TULP4: variants seen among roughly 807,000 people sequenced by gnomAD.
The protein encoded by TULP4 is tubby-related protein 4.
In TULP4, 16 loss-of-function variants were observed where a neutral mutation model predicts 129.0. That is an observed-to-expected ratio of 0.12 (90% CI 0.08 to 0.19). TULP4 has a LOEUF of 0.19. Ranked by LOEUF, TULP4 falls within the 10% of genes least tolerant of loss-of-function variation. The probability of loss-of-function intolerance (pLI) is 1.00; values close to 1 mark genes in which losing one functional copy is unlikely to be tolerated. For synonymous variants in TULP4, 998 were observed against 854.0 expected, an observed-to-expected ratio of 1.17 and a Z score of -2.94; for missense variants, 1,842 against 2,059.1, an observed-to-expected ratio of 0.89 and a Z score of 2.04.
chr6:158,246,023 G>GGGGGTGTGTGTGTGTGT lies in TULP4; in HGVS notation n.68+13721_68+13722insGGGTGTGTGTGTGTGTG, dbSNP rs113914160. On this transcript the variant is annotated intron_variant and non_coding_transcript_variant, in intron 1 of 1. Transcript: ENST00000620026. ...GTGAGTAATTTGCCTACCCCTTAGG[G>GGGGGTGTGTGTGTGTGT]GTGTGTGTGTGTGTGTGTGTGTGTG... Among the ~76,000 whole-genome samples the GGGGGTGTGTGTGTGTGT allele has an allele frequency of 3.4e-5, 5 of 145,822 alleles. No homozygotes were observed. The East Asian group carries it at 6.1e-4, about 18-fold the overall frequency.
intron 3 of TULP4, among the ~76,000 whole-genome samples, chr6:158,444,929 A>C (rs1206301132): frequency 6.6e-6 from 1 of 152,118 alleles, no homozygotes; most frequent in Non-Finnish European, 1.5e-5. Flanking sequence ...CTCCCGCCTC[A>C]GCCTCCCCAG....
chr6:158,330,208 G>T (rs757602986), intron 1 of TULP4, among the ~76,000 whole-genome samples: 4 of 152,196 alleles, frequency 2.6e-5, no homozygotes, highest in African/African-American at 4.8e-5. Flanking sequence ...CAAGTGCCCA[G>T]TTGCCACATG....
At chr6:158,452,070 T>G in intron 4 of TULP4, 64 bp from the exon 5 acceptor site, 1 of 1,590,320 alleles carries the variant, frequency 6.3e-7, no homozygotes, top group Non-Finnish European at 8.6e-7. Context: ...AGATTTCAGC[T>G]TTGGGAACCT....
At chr6:158,271,149 CAAAAAAAAAAAA>C (rs1220844247) in intron 1 of TULP4, among the ~76,000 whole-genome samples, 2 of 78,996 alleles carry the variant, frequency 2.5e-5, no homozygotes, top group Admixed American at 2.4e-4. Flanking sequence ...GACTCTGTCT[CAAAAAAAAAAAA>C]AAAAAAAAGA....
At chr6:158,305,884 TC>T (rs879664858) in intron 1 of TULP4, among the ~76,000 whole-genome samples, 109 of 152,282 alleles carry the variant, frequency 7.2e-4, no homozygotes, top group Non-Finnish European at 1.2e-3. Context: ...TTCTTATCAT[TC>T]CTTGGAAACT....
intron 11 of TULP4, among the ~76,000 whole-genome samples, chr6:158,497,482 A>G (rs561577768): frequency 7.9e-5 from 12 of 152,350 alleles, no homozygotes; most frequent in Admixed American, 7.8e-4. Context: ...AGGGGTCTAT[A>G]GTAAAAATCT....
At chr6:158,449,623 A>G (rs1171761960) in intron 4 of TULP4, among the ~76,000 whole-genome samples, 3 of 152,334 alleles carry the variant, frequency 2.0e-5, no homozygotes, top group Admixed American at 1.3e-4. Context: ...TTGTTTTGCC[A>G]TAATGAAGGC....
At chr6:158,353,498 T>A (rs974624849) in intron 1 of TULP4, among the ~76,000 whole-genome samples, 1 of 152,180 alleles carries the variant, frequency 6.6e-6, no homozygotes, top group Non-Finnish European at 1.5e-5. Flanking sequence ...TTTATATATA[T>A]TTAAATTTAT....
intron 8 of TULP4, among the ~76,000 whole-genome samples, chr6:158,484,752 C>G (rs1398129266): frequency 6.6e-6 from 1 of 152,202 alleles, no homozygotes; most frequent in Non-Finnish European, 1.5e-5. Context: ...GCGTTGTCAC[C>G]CTAACCTTGA....
chr6:158,500,064 T>C (rs1780409094), intron 12 of TULP4, among the ~76,000 whole-genome samples: 1 of 152,208 alleles, frequency 6.6e-6, no homozygotes, highest in Non-Finnish European at 1.5e-5. Context: ...ATTAGAAGTA[T>C]CTTTTAAACT....
chr6:158,295,895 G>GA (rs1237595530), intron 1 of TULP4, among the ~76,000 whole-genome samples: 3 of 151,716 alleles, frequency 2.0e-5, no homozygotes, highest in African/African-American at 7.3e-5. Flanking sequence ...CGTCTCAAAA[G>GA]AAAAAAAGAA....
intron 1 of TULP4, among the ~76,000 whole-genome samples, chr6:158,247,820 G>A (rs548119054): frequency 1.5e-4 from 23 of 152,330 alleles, no homozygotes; most frequent in Admixed American, 1.4e-3. Context: ...AACAAACCGA[G>A]CTGTTAGTGC....
chr6:158,349,116 C>A (rs1780410243), intron 1 of TULP4, among the ~76,000 whole-genome samples: 1 of 140,600 alleles, frequency 7.1e-6, no homozygotes. Context: ...GGCAGAGGCG[C>A]TCCTCACTTC....
At chr6:158,288,949 T>G (rs1333692541) in intron 1 of TULP4, among the ~76,000 whole-genome samples, 1 of 152,246 alleles carries the variant, frequency 6.6e-6, no homozygotes, top group Non-Finnish European at 1.5e-5. Context: ...TTAGAACTAG[T>G]TGTGGCTATT....
chr6:158,476,822 G>A (rs931243530), intron 6 of TULP4, among the ~76,000 whole-genome samples: 1 of 152,140 alleles, frequency 6.6e-6, no homozygotes, highest in East Asian at 1.9e-4. Flanking sequence ...GGAGTATTAC[G>A]CATTCTTTAG....
chr6:158,342,201 C>T (rs1031202806), intron 1 of TULP4, among the ~76,000 whole-genome samples: 5 of 152,236 alleles, frequency 3.3e-5, no homozygotes, highest in African/African-American at 1.2e-4. Flanking sequence ...CAGGCGTGAG[C>T]CACTGCGCCC....
intron 8 of TULP4, among the ~76,000 whole-genome samples, chr6:158,488,046 A>G (rs554770780): frequency 6.6e-6 from 1 of 152,168 alleles, no homozygotes; most frequent in Non-Finnish European, 1.5e-5. Context: ...CAGGAGGATC[A>G]CTTGAGTCCG....
At chr6:158,305,001 A>T (rs9347224) in intron 1 of TULP4, among the ~76,000 whole-genome samples, 1 of 152,066 alleles carries the variant, frequency 6.6e-6, no homozygotes, top group African/African-American at 2.4e-5. Flanking sequence ...CAGTTCAGTG[A>T]TATTAAAGTA....
chr6:158,471,050 G>A (rs574235141), intron 6 of TULP4, among the ~76,000 whole-genome samples: 3 of 152,354 alleles, frequency 2.0e-5, no homozygotes, highest in African/African-American at 7.2e-5. Flanking sequence ...CAAGGGACAA[G>A]AGCCCAGTGC....
Sources: gnomAD v4.1 joint callset for allele counts (sites outside exome capture counted in the v4.1 genomes callset) on GRCh38, gnomAD v4.1.1 for gene constraint, MANE v1.5 for transcripts, NCBI Gene and HGNC (gene_info 2026-07-23, HGNC 2026-07-21) for gene names.